Variants in LRCH1 observed in about 807,000 individuals in gnomAD.
The protein encoded by LRCH1 is leucine rich repeats and calponin homology domain containing 1, also known as leucine-rich repeat and calponin homology domain-containing protein 1.
LRCH1 carries 23 observed loss-of-function variants against 94.9 expected under a neutral mutation model. The ratio of observed to expected loss-of-function variants is 0.24; its 90% CI spans 0.17 to 0.34. LRCH1 has a LOEUF of 0.34. LRCH1 is among the 10% of genes least tolerant of loss of function. The pLI, the probability that LRCH1 is intolerant of heterozygous loss-of-function variation, is 1.00. For missense variants in LRCH1, 790 were observed against 945.9 expected, an observed-to-expected ratio of 0.84 and a Z score of 2.16; for synonymous variants, 364 against 354.9, an observed-to-expected ratio of 1.03 and a Z score of -0.29.
At chr13:46,669,181 T>C (rs755052979) in intron 3 of LRCH1, 25 bp downstream of exon 3, 1 of 1,611,086 alleles carries the variant, frequency 6.2e-7, no homozygotes, top group Non-Finnish European at 8.5e-7. Flanking sequence ...TTTAAGATGC[T>C]CTTTTTTGTT....
chr13:46,743,060 A>G lies in LRCH1; in HGVS notation c.*1212A>G. ...CAGGGGTGTCTTTGTATAATATGAG[A>G]GGGCCTTGTTCCAAGGTCAAGGCAG... On this transcript the variant is annotated 3_prime_UTR_variant, in exon 20 of 20. Transcript: ENST00000389797. 1 of 985,392 alleles carries G rather than the reference A, an allele frequency of 1.0e-6. No homozygotes were observed. Among genetic ancestry groups the G allele is most frequent in the Non-Finnish European group, 1.2e-6 (1 of 829,898 alleles). 61.0% of individuals were successfully genotyped at this position (985,392 alleles called of 1,614,324 possible).
rs963208262 is a variant in LRCH1 at position 46,744,083 on chromosome 13, C to T, written c.*2235C>T. The T allele has an allele frequency of 1.5e-5, 15 of 985,184 alleles. No homozygotes were observed. In the African/African-American group the frequency reaches 2.4e-4, roughly 16 times the overall value. The allele number at this position is 985,184 out of a possible 1,614,324, so 61.0% of individuals were successfully genotyped here. On this transcript the variant is annotated 3_prime_UTR_variant, in exon 20 of 20. Coordinates refer to ENST00000389797, the MANE Select transcript of LRCH1 (RefSeq NM_001164211.2). ...TGAACTGTTCTGTCCATTGCCAACC[C>T]ATTAATTTCTAATCAGAATATTAAG... is the stretch of plus-strand genomic sequence containing the variant.
intron 2 of LRCH1, among the ~76,000 whole-genome samples, chr13:46,660,585 A>G (rs2051435355): frequency 6.6e-6 from 1 of 152,096 alleles, no homozygotes; most frequent in Admixed American, 6.5e-5. Flanking sequence ...AGGTGTAGAA[A>G]ATAATCGACT....
intron 3 of LRCH1, among the ~76,000 whole-genome samples, chr13:46,678,877 G>A (rs750023858): frequency 1.8e-4 from 28 of 152,144 alleles, no homozygotes; most frequent in Admixed American, 4.6e-4. Flanking sequence ...ATGGAATAAG[G>A]CTTAGTTTCA....
chr13:46,644,259 C>CT (rs2051193982), intron 1 of LRCH1, among the ~76,000 whole-genome samples: 1 of 152,218 alleles, frequency 6.6e-6, no homozygotes, highest in South Asian at 2.1e-4. Context: ...GCGTGGTAAA[C>CT]TTTGCCAGCT....
intron 1 of LRCH1, among the ~76,000 whole-genome samples, chr13:46,623,663 C>G (rs2050907215): frequency 6.7e-6 from 1 of 148,268 alleles, no homozygotes; most frequent in African/African-American, 2.5e-5. Context: ...CTTTTCTTGA[C>G]TCAAAGAATA....
chr13:46,599,865 C>T (rs138295244), intron 1 of LRCH1, among the ~76,000 whole-genome samples: 3 of 152,282 alleles, frequency 2.0e-5, no homozygotes, highest in Non-Finnish European at 4.4e-5. Context: ...TATGGAGATA[C>T]GTAATGGGAT....
intron 2 of LRCH1, among the ~76,000 whole-genome samples, chr13:46,655,760 A>AT (rs2051362213): frequency 6.6e-6 from 1 of 152,238 alleles, no homozygotes; most frequent in Non-Finnish European, 1.5e-5. Context: ...GAATCTAAGA[A>AT]TAGGGACCTT....
intron 4 of LRCH1, among the ~76,000 whole-genome samples, chr13:46,683,796 C>T: frequency 6.6e-6 from 1 of 152,088 alleles, no homozygotes; most frequent in East Asian, 1.9e-4. Flanking sequence ...ATTATGTTTT[C>T]TCAGTTTTGA....
chr13:46,669,864 C>T (rs1322878426), intron 3 of LRCH1, among the ~76,000 whole-genome samples: 1 of 152,250 alleles, frequency 6.6e-6, no homozygotes, highest in Non-Finnish European at 1.5e-5. Flanking sequence ...CATTTATCAT[C>T]TAAGCATTGG....
At position 46,685,886 on chromosome 13, in the gene LRCH1, C is replaced by CT; in HGVS notation, c.686-13dup. 1.4e-6 allele frequency: 2 copies of CT among 1,477,762 alleles called. No homozygotes were observed. The highest frequency in any genetic ancestry group is 2.5e-5 in the Admixed American group (1 of 39,284). The allele number at this position is 1,477,762 out of a possible 1,614,324, so 91.5% of individuals were successfully genotyped here. A position where few individuals can be genotyped will look rare whatever the true frequency, so the allele number is the denominator to read the frequency against. ...TCTAAGGTTTTTTCTTTCTTTTTTTCTTTTTTCTATTATTTTAGAACTAGT... is the reference window on the plus strand; with the variant it reads ...TCTAAGGTTTTTTCTTTCTTTTTTTCTTTTTTTCTATTATTTTAGAACTAGT... On this transcript the variant is annotated intron_variant, in intron 4 of 19. Transcript: ENST00000389797.
intron 1 of LRCH1, among the ~76,000 whole-genome samples, chr13:46,585,343 C>T (rs1050702205): frequency 7.2e-5 from 11 of 151,920 alleles, no homozygotes; most frequent in Admixed American, 5.2e-4. Flanking sequence ...TTTGGGAGGC[C>T]GAGGCAGGCG....
chr13:46,741,758 C>T lies in LRCH1; in HGVS notation c.2202C>T (p.Arg734=), dbSNP rs747826327. 6.2e-7 allele frequency: 1 copy of T among 1,614,190 alleles called. No homozygotes were observed. Among genetic ancestry groups the T allele is most frequent in the Non-Finnish European group, 8.5e-7 (1 of 1,180,042 alleles). Residue 734 remains arginine (R), a synonymous_variant, in exon 20 of 20, where the codon CGC becomes CGT. Coordinates refer to ENST00000389797, the MANE Select transcript of LRCH1 (RefSeq NM_001164211.2). ...EKAPPPTSAL[R]SRDLIGFCLV... ...CCCCACCACCAACTTCTGCCCTCCGCTCCAGGGACCTTATAGGCTTCTGTC... is the reference window on the plus strand; with the variant it reads ...CCCCACCACCAACTTCTGCCCTCCGTTCCAGGGACCTTATAGGCTTCTGTC...
intron 18 of LRCH1, 92 bp downstream of exon 18, chr13:46,729,076 C>T: frequency 1.6e-6 from 2 of 1,268,594 alleles, no homozygotes; most frequent in South Asian, 4.2e-5. Context: ...TCAGTAGGAG[C>T]TTGCTCAAAT....
Position 46,691,339 on chromosome 13 carries a change from G to A in LRCH1, c.1015-1197G>A, listed in dbSNP as rs557369604. 9.0e-4 allele frequency among the ~76,000 whole-genome samples: 137 copies of A among 152,320 alleles called. 1 individual carries two copies. Among genetic ancestry groups the A allele is most frequent in the African/African-American group, 3.1e-3 (127 of 41,578 alleles). On this transcript the variant is annotated intron_variant, in intron 7 of 19. Transcript: ENST00000389797. ...GAGAACTAATCCAATTATTAAAGCC[G>A]AAGCTTTCTTCCAAAAATCACACAG...
At chr13:46,728,074 G>A (rs563446145) in intron 17 of LRCH1, among the ~76,000 whole-genome samples, 51 of 151,866 alleles carry the variant, frequency 3.4e-4, no homozygotes, top group Admixed American at 7.2e-4. Flanking sequence ...ACATCACCAC[G>A]CCCAGCTAAT....
At chr13:46,592,257 C>T (rs910941360) in intron 1 of LRCH1, among the ~76,000 whole-genome samples, 1 of 152,170 alleles carries the variant, frequency 6.6e-6, no homozygotes, top group Admixed American at 6.5e-5. Flanking sequence ...GAGTCAGCCA[C>T]AGCTTATAGG....
At chr13:46,649,479 T>C (rs2051264251) in intron 1 of LRCH1, among the ~76,000 whole-genome samples, 1 of 152,184 alleles carries the variant, frequency 6.6e-6, no homozygotes, top group Non-Finnish European at 1.5e-5. Flanking sequence ...CTGGGGACTG[T>C]GATTGCTTTC....
chr13:46,559,904 T>C (rs1428664846), intron 1 of LRCH1, among the ~76,000 whole-genome samples: 1 of 152,200 alleles, frequency 6.6e-6, no homozygotes, highest in Non-Finnish European at 1.5e-5. Context: ...TGTGTTACTG[T>C]AATGAACTGA....
Sources: allele counts gnomAD v4.1 joint callset (sites outside exome capture counted in the v4.1 genomes callset), GRCh38; gene constraint gnomAD v4.1.1; transcripts MANE v1.5; gene names NCBI Gene and HGNC (gene_info 2026-07-23, HGNC 2026-07-21).